The following FAM168A variants were observed in gnomAD, a reference collection of about 807,000 sequenced individuals.
FAM168A encodes the protein protein FAM168A.
Under a neutral mutation model 28.5 loss-of-function variants are expected in FAM168A, and 3 were observed. That is an observed-to-expected ratio of 0.11 (90% CI 0.05 to 0.27). The LOEUF (loss-of-function observed/expected upper bound fraction) is 0.27, where lower values mean the gene tolerates loss of function less well. Ranked by LOEUF, FAM168A falls within the 10% of genes least tolerant of loss-of-function variation. The pLI, the probability that FAM168A is intolerant of heterozygous loss-of-function variation, is 1.00. For synonymous variants in FAM168A, 122 were observed against 124.2 expected, an observed-to-expected ratio of 0.98 and a Z score of 0.12; for missense variants, 222 against 311.5, an observed-to-expected ratio of 0.71 and a Z score of 2.16.
intron 2 of FAM168A, among the ~76,000 whole-genome samples, chr11:73,455,643 C>A (rs1867517808): frequency 6.6e-6 from 1 of 152,192 alleles, no homozygotes; most frequent in African/African-American, 2.4e-5. Flanking sequence ...AAAGAACACA[C>A]AATCACTGTG....
At chr11:73,413,353 G>A (rs963858227) in intron 4 of FAM168A, among the ~76,000 whole-genome samples, 2 of 152,246 alleles carry the variant, frequency 1.3e-5, no homozygotes, top group Admixed American at 6.5e-5. Context: ...ATATGAAAGA[G>A]AGGGAAGCAT....
intron 1 of FAM168A, among the ~76,000 whole-genome samples, chr11:73,472,007 C>T (rs1044666621): frequency 6.6e-6 from 1 of 152,012 alleles, no homozygotes; most frequent in Non-Finnish European, 1.5e-5. Flanking sequence ...TCCGAGGAGG[C>T]GTTAAATTTT....
At chr11:73,495,273 G>A (rs1440395258) in intron 1 of FAM168A, among the ~76,000 whole-genome samples, 1 of 152,174 alleles carries the variant, frequency 6.6e-6, no homozygotes, top group African/African-American at 2.4e-5. Flanking sequence ...AGCTTGCAGT[G>A]AGCCGAGATC....
At chr11:73,491,586 A>G (rs994382120) in intron 1 of FAM168A, among the ~76,000 whole-genome samples, 2 of 152,226 alleles carry the variant, frequency 1.3e-5, no homozygotes, top group Non-Finnish European at 2.9e-5. Context: ...CATAGTTTCT[A>G]AGTAACAGAC....
chr11:73,436,820 G>A (rs1867094919), intron 2 of FAM168A, among the ~76,000 whole-genome samples: 1 of 152,128 alleles, frequency 6.6e-6, no homozygotes, highest in Non-Finnish European at 1.5e-5. Context: ...CATTTACTTT[G>A]CCAAAATTCT....
intron 2 of FAM168A, among the ~76,000 whole-genome samples, chr11:73,460,229 C>T (rs1867620518): frequency 6.6e-6 from 1 of 152,154 alleles, no homozygotes; most frequent in Non-Finnish European, 1.5e-5. Context: ...ATCTCTCCCG[C>T]ACTGGCTACC....
intron 1 of FAM168A, chr11:73,580,414 GA>G (rs1218335141): frequency 1.3e-5 from 8 of 619,264 alleles, no homozygotes; most frequent in African/African-American, 3.7e-5. Flanking sequence ...TACCCAAAGG[GA>G]AAAAGGGAAA....
At chr11:73,550,688 AT>A (rs1239027131) in intron 1 of FAM168A, among the ~76,000 whole-genome samples, 1 of 151,676 alleles carries the variant, frequency 6.6e-6, no homozygotes, top group Non-Finnish European at 1.5e-5. Flanking sequence ...ATAAATAAAT[AT>A]TTTTTTAAAA....
intron 1 of FAM168A, among the ~76,000 whole-genome samples, chr11:73,528,656 C>T (rs777960538): frequency 4.6e-5 from 7 of 152,118 alleles, no homozygotes; most frequent in Non-Finnish European, 1.0e-4. Context: ...TTCTTTCTTG[C>T]GTGAGATCCA....
intron 2 of FAM168A, among the ~76,000 whole-genome samples, chr11:73,458,299 G>A (rs991085306): frequency 6.6e-6 from 1 of 152,186 alleles, no homozygotes; most frequent in Non-Finnish European, 1.5e-5. Flanking sequence ...ACAGAGGTGG[G>A]AAATCATTTT....
At chr11:73,553,882 A>C (rs1374032711) in intron 1 of FAM168A, among the ~76,000 whole-genome samples, 1 of 152,108 alleles carries the variant, frequency 6.6e-6, no homozygotes, top group Non-Finnish European at 1.5e-5. Flanking sequence ...CCAGCTATTC[A>C]AGAAGCTGAG....
chr11:73,499,200 C>A (rs1330046941), intron 1 of FAM168A, among the ~76,000 whole-genome samples: 1 of 152,102 alleles, frequency 6.6e-6, no homozygotes, highest in Non-Finnish European at 1.5e-5. Context: ...CATCTCCAGG[C>A]ATGGGAGTGA....
chr11:73,485,335 G>A (rs1868038999), intron 1 of FAM168A, among the ~76,000 whole-genome samples: 1 of 152,144 alleles, frequency 6.6e-6, no homozygotes, highest in Non-Finnish European at 1.5e-5. Flanking sequence ...CACAGACCCT[G>A]CCATCAGGTT....
intron 1 of FAM168A, among the ~76,000 whole-genome samples, chr11:73,498,033 C>T (rs978517022): frequency 2.6e-5 from 4 of 152,050 alleles, no homozygotes; most frequent in South Asian, 2.1e-4. Context: ...GTGAAATAGC[C>T]ATGAACAAAA....
At chr11:73,496,463 A>G (rs2134616479) in intron 1 of FAM168A, among the ~76,000 whole-genome samples, 1 of 152,342 alleles carries the variant, frequency 6.6e-6, no homozygotes, top group South Asian at 2.1e-4. Context: ...CTAGAGATCT[A>G]TCACACAATG....
chr11:73,525,868 T>C (rs1427733918), intron 1 of FAM168A, among the ~76,000 whole-genome samples: 1 of 152,218 alleles, frequency 6.6e-6, no homozygotes, highest in African/African-American at 2.4e-5. Context: ...AGATATAAGA[T>C]GTACATGTTC....
intron 2 of FAM168A, among the ~76,000 whole-genome samples, chr11:73,431,088 A>T (rs936762989): frequency 4.6e-5 from 7 of 152,126 alleles, no homozygotes; most frequent in African/African-American, 1.4e-4. Context: ...TCATGCCTGT[A>T]ATCCCAGCAC....
intron 1 of FAM168A, among the ~76,000 whole-genome samples, chr11:73,520,211 A>C (rs1450401381): frequency 6.6e-6 from 1 of 151,212 alleles, no homozygotes; most frequent in Non-Finnish European, 1.5e-5. Context: ...ATGCCCAGCT[A>C]ATTTTTTTTT....
intron 1 of FAM168A, among the ~76,000 whole-genome samples, chr11:73,546,582 A>G (rs1943756174): frequency 6.6e-6 from 1 of 152,190 alleles, no homozygotes; most frequent in Non-Finnish European, 1.5e-5. Context: ...AAAATACAAA[A>G]TTAGCTGGGT....
Sources: allele counts gnomAD v4.1 joint callset (sites outside exome capture counted in the v4.1 genomes callset), GRCh38; gene constraint gnomAD v4.1.1; transcripts MANE v1.5; gene names NCBI Gene and HGNC (gene_info 2026-07-23, HGNC 2026-07-21).